The following HECW2 variants were observed in gnomAD, a reference collection of about 807,000 sequenced individuals.
HECW2 encodes the protein E3 ubiquitin-protein ligase HECW2.
HECW2 carries 61 observed loss-of-function variants against 175.2 expected under a neutral mutation model. That is an observed-to-expected ratio of 0.35 (90% CI 0.28 to 0.43). HECW2 has a LOEUF of 0.43. Among genes scored for constraint, HECW2 ranks in the 20% least tolerant of loss-of-function variants. HECW2 has a pLI of 1.00. For missense variants in HECW2, 1,524 were observed against 2,000.5 expected, an observed-to-expected ratio of 0.76 and a Z score of 4.54; for synonymous variants, 671 against 731.0, an observed-to-expected ratio of 0.92 and a Z score of 1.32.
At chr2:196,329,497 C>A in intron 5 of HECW2, 78 bp downstream of exon 5, 6 of 1,184,788 alleles carry the variant, frequency 5.1e-6, no homozygotes, top group Non-Finnish European at 7.6e-6. Flanking sequence ...ATACGAAAGT[C>A]TGCAGAAAGA....
At chr2:196,535,336 G>A (rs1046724413) in intron 1 of HECW2, among the ~76,000 whole-genome samples, 2 of 152,128 alleles carry the variant, frequency 1.3e-5, no homozygotes. Context: ...ATTCTTAAGC[G>A]CCACTTCAAA....
chr2:196,226,668 T>C (rs549997161), intron 22 of HECW2, among the ~76,000 whole-genome samples: 1 of 139,914 alleles, frequency 7.1e-6, no homozygotes, highest in East Asian at 2.1e-4. Flanking sequence ...CCTCCTAGTG[T>C]GTATGCATGA....
chr2:196,478,082 C>T (rs1422510032), intron 1 of HECW2, among the ~76,000 whole-genome samples: 1 of 151,850 alleles, frequency 6.6e-6, no homozygotes, highest in Non-Finnish European at 1.5e-5. Flanking sequence ...AAAAACAAAA[C>T]AAAAACAAAC....
At chr2:196,419,230 C>T (rs777876578) in intron 2 of HECW2, among the ~76,000 whole-genome samples, 21 of 152,174 alleles carry the variant, frequency 1.4e-4, no homozygotes, top group African/African-American at 2.9e-4. Context: ...GGAAAACAGA[C>T]TGATTACCCA....
At chr2:196,353,189 G>A (rs535667221) in intron 2 of HECW2, among the ~76,000 whole-genome samples, 1 of 151,984 alleles carries the variant, frequency 6.6e-6, no homozygotes, top group Non-Finnish European at 1.5e-5. Context: ...CATTGCTCTG[G>A]CCATCCCATT....
chr2:196,235,775 C>A (rs1057252886), intron 21 of HECW2, among the ~76,000 whole-genome samples: 1 of 150,778 alleles, frequency 6.6e-6, no homozygotes, highest in Non-Finnish European at 1.5e-5. Flanking sequence ...CCTGCCTCAG[C>A]CTCCCGAGTA....
At chr2:196,279,080 G>A (rs1270604992) in intron 14 of HECW2, among the ~76,000 whole-genome samples, 1 of 151,558 alleles carries the variant, frequency 6.6e-6, no homozygotes. Flanking sequence ...ACGGAGTCTC[G>A]CTCTGTCACC....
chr2:196,318,508 C>G, intron 9 of HECW2, 44 bp downstream of exon 9: 1 of 1,435,026 alleles, frequency 7.0e-7, no homozygotes, highest in East Asian at 2.6e-5. Context: ...TCTCTCTGCA[C>G]AGCTACGCTC....
At chr2:196,231,092 C>CAAAAAAAAA (rs10653412) in intron 21 of HECW2, among the ~76,000 whole-genome samples, 1 of 55,326 alleles carries the variant, frequency 1.8e-5, no homozygotes, top group Non-Finnish European at 2.9e-5. Context: ...GACTCCGTCT[C>CAAAAAAAAA]AAAAAAAAAA....
intron 1 of HECW2, among the ~76,000 whole-genome samples, chr2:196,542,936 ATATT>A (rs1689278704): frequency 6.7e-6 from 1 of 148,260 alleles, no homozygotes; most frequent in Non-Finnish European, 1.5e-5. Context: ...AGATAGCTAT[ATATT>A]ATATATTTAT....
At chr2:196,555,444 T>C (rs1178503251) in intron 1 of HECW2, among the ~76,000 whole-genome samples, 1 of 152,152 alleles carries the variant, frequency 6.6e-6, no homozygotes, top group South Asian at 2.1e-4. Context: ...CCTAATACCA[T>C]CACATTGCAG....
rs1688815972 is a variant in HECW2 at position 196,530,846 on chromosome 2, T to A, written c.-36+62662A>T. ...GTTTGATTCATTGTAATTTGTGGCCTCCTTGTTGCAGTACCTTAAAGTATG... is the reference window on the plus strand; with the variant it reads ...GTTTGATTCATTGTAATTTGTGGCCACCTTGTTGCAGTACCTTAAAGTATG... On this transcript the variant is annotated intron_variant, in intron 1 of 28. Coordinates refer to ENST00000644978, the MANE Select transcript of HECW2 (RefSeq NM_001348768.2). Among the ~76,000 whole-genome samples, 4 of 152,216 alleles carry A rather than the reference T, an allele frequency of 2.6e-5. No individual in the cohort carries two copies. In the South Asian group the frequency reaches 8.3e-4, roughly 32 times the overall value.
intron 2 of HECW2, among the ~76,000 whole-genome samples, chr2:196,403,956 T>A (rs929117043): frequency 6.6e-6 from 1 of 152,216 alleles, no homozygotes; most frequent in African/African-American, 2.4e-5. Context: ...GAATTTCTTG[T>A]GAAATTATGT....
intron 1 of HECW2, among the ~76,000 whole-genome samples, chr2:196,445,331 T>C (rs1696152127): frequency 1.3e-5 from 2 of 152,260 alleles, no homozygotes; most frequent in African/African-American, 2.4e-5. Flanking sequence ...GGAGTTTATT[T>C]TTGAGTTACA....
In HECW2 at chr2:196,451,218, G is replaced by A. The variant is rs189343876; in HGVS notation, c.-35-17760C>T. On this transcript the variant is annotated intron_variant, in intron 1 of 28. Transcript: ENST00000644978. ...TGGGAGGCCGAGGCGGGTGGATCAC[G>A]AGGTCAAGAGATCAAGACCAGCCTG... is the stretch of plus-strand genomic sequence containing the variant. Among the ~76,000 whole-genome samples the A allele has an allele frequency of 4.6e-5, 7 of 151,288 alleles. No homozygotes were observed. The East Asian group carries it at 9.9e-4, about 21-fold the overall frequency.
chr2:196,475,643 C>T (rs1213826872), intron 1 of HECW2, among the ~76,000 whole-genome samples: 1 of 152,194 alleles, frequency 6.6e-6, no homozygotes, highest in East Asian at 1.9e-4. Flanking sequence ...CCTACATCTT[C>T]CCAGCTTTAA....
At chr2:196,237,863 C>T (rs566888250) in intron 21 of HECW2, among the ~76,000 whole-genome samples, 2 of 152,260 alleles carry the variant, frequency 1.3e-5, no homozygotes, top group South Asian at 4.1e-4. Flanking sequence ...CTGGCAGACA[C>T]CAAAAGATGC....
intron 1 of HECW2, among the ~76,000 whole-genome samples, chr2:196,541,888 G>A (rs1291878561): frequency 6.6e-6 from 1 of 151,830 alleles, no homozygotes; most frequent in East Asian, 1.9e-4. Context: ...AGGAATAATT[G>A]CAGAAAAAAA....
At chr2:196,566,743 C>T (rs114567961) in intron 1 of HECW2, among the ~76,000 whole-genome samples, 1,574 of 130,500 alleles carry the variant, frequency 0.012, 33 homozygotes, top group African/African-American at 0.044. Flanking sequence ...GGTAGAGATG[C>T]GGTTTCAGCA....
Sources: gnomAD v4.1 joint callset for allele counts (sites outside exome capture counted in the v4.1 genomes callset) on GRCh38, gnomAD v4.1.1 for gene constraint, MANE v1.5 for transcripts, NCBI Gene and HGNC (gene_info 2026-07-23, HGNC 2026-07-21) for gene names.